DDAH1: variants seen among roughly 807,000 people sequenced by gnomAD.
DDAH1 encodes dimethylarginine dimethylaminohydrolase 1, also known as N(G),N(G)-dimethylarginine dimethylaminohydrolase 1.
A neutral mutation model predicts 28.8 loss-of-function variants in DDAH1; 19 were observed. That is an observed-to-expected ratio of 0.66 (90% CI 0.46 to 0.97). The LOEUF is 0.97. Ranked by LOEUF, DDAH1 falls within the 50% of genes least tolerant of loss-of-function variation. The pLI, the probability that DDAH1 is intolerant of heterozygous loss-of-function variation, is 0.00. For synonymous variants in DDAH1, 153 were observed against 154.4 expected (o/e 0.99, Z 0.07); for missense variants, 326 against 375.9 (o/e 0.87, Z 1.10).
chr1:85,341,128 T>C (rs1159599436), intron 4 of DDAH1, among the ~76,000 whole-genome samples: 1 of 152,226 alleles, frequency 6.6e-6, no homozygotes, highest in Admixed American at 6.5e-5. Flanking sequence ...TATCTTTTAA[T>C]GTTCTCTCTT....
intron 1 of DDAH1, among the ~76,000 whole-genome samples, chr1:85,393,034 T>C (rs1422554827): frequency 2.0e-5 from 3 of 152,182 alleles, no homozygotes; most frequent in African/African-American, 2.4e-5. Flanking sequence ...TTCCTAGTAT[T>C]TGGTCTCTCC....
chr1:85,321,175 T>G lies in DDAH1; in HGVS notation c.*277A>C. On this transcript the variant is annotated 3_prime_UTR_variant, in exon 6 of 6. Coordinates refer to ENST00000284031, the MANE Select transcript of DDAH1 (RefSeq NM_012137.4). The stretch of plus-strand genomic sequence containing the variant: ...ACCAAAAATACAGACACTAAATGAG[T>G]GTTTCCTTACTGGGATTAATCACAT... The G allele has an allele frequency of 3.3e-6, 1 of 307,016 alleles. No homozygotes were observed. Among genetic ancestry groups the G allele is most frequent in the Non-Finnish European group, 6.0e-6 (1 of 166,178 alleles). The allele number at this position is 307,016 out of a possible 1,614,324, so 19.0% of individuals were successfully genotyped here.
intron 1 of DDAH1, among the ~76,000 whole-genome samples, chr1:85,439,588 C>A (rs1216311697): frequency 6.6e-6 from 1 of 152,218 alleles, no homozygotes; most frequent in Non-Finnish European, 1.5e-5. Context: ...TTTTCTTAAA[C>A]TATCTGCTCT....
chr1:85,530,529 A>G (rs1295544961), intron 1 of DDAH1, among the ~76,000 whole-genome samples: 50 of 152,058 alleles, frequency 3.3e-4, no homozygotes, highest in Non-Finnish European at 4.4e-5. Context: ...GCAGGACATT[A>G]GCAGCCTTTT....
intron 1 of DDAH1, among the ~76,000 whole-genome samples, chr1:85,425,622 T>C (rs1217693326): frequency 6.6e-6 from 1 of 152,206 alleles, no homozygotes; most frequent in Non-Finnish European, 1.5e-5. Flanking sequence ...TAAATGTTTC[T>C]TTGCAAGAAC....
intron 1 of DDAH1, among the ~76,000 whole-genome samples, chr1:85,363,411 G>A (rs1649892453): frequency 6.6e-6 from 1 of 152,202 alleles, no homozygotes; most frequent in Non-Finnish European, 1.5e-5. Context: ...TGTTTTCAAT[G>A]CCTGCTTAAG....
At chr1:85,502,257 T>A (rs1656845318) in intron 1 of DDAH1, among the ~76,000 whole-genome samples, 1 of 152,256 alleles carries the variant, frequency 6.6e-6, no homozygotes. Context: ...TATTCACCTT[T>A]AATTCTGATA....
At chr1:85,377,196 C>G (rs776959778) in intron 1 of DDAH1, among the ~76,000 whole-genome samples, 1 of 152,246 alleles carries the variant, frequency 6.6e-6, no homozygotes, top group Non-Finnish European at 1.5e-5. Flanking sequence ...GAACCCAAGT[C>G]CCCTTGTTTA....
chr1:85,519,444 C>A (rs1176299278), intron 1 of DDAH1, among the ~76,000 whole-genome samples: 10 of 152,126 alleles, frequency 6.6e-5, no homozygotes, highest in Admixed American at 3.3e-4. Flanking sequence ...TAAATACAGA[C>A]TTGGAGTTTT....
intron 1 of DDAH1, among the ~76,000 whole-genome samples, chr1:85,426,765 A>T (rs1653411605): frequency 6.6e-6 from 1 of 151,970 alleles, no homozygotes; most frequent in Non-Finnish European, 1.5e-5. Context: ...TAAAAAACTT[A>T]GCTAGGCATG....
intron 1 of DDAH1, among the ~76,000 whole-genome samples, chr1:85,561,317 A>T (rs1420545755): frequency 1.3e-5 from 2 of 152,176 alleles, no homozygotes. Flanking sequence ...GTTAACTATA[A>T]TTTATAAAAA....
At chr1:85,499,397 G>A (rs907824862) in intron 1 of DDAH1, among the ~76,000 whole-genome samples, 8 of 152,128 alleles carry the variant, frequency 5.3e-5, no homozygotes, top group Non-Finnish European at 8.8e-5. Context: ...TCTTGAGGCC[G>A]GGTGCGGTGG....
intron 1 of DDAH1, among the ~76,000 whole-genome samples, chr1:85,365,926 T>C (rs1650051190): frequency 6.6e-6 from 1 of 152,130 alleles, no homozygotes; most frequent in South Asian, 2.1e-4. Context: ...CTGGGTGGGC[T>C]TGACCTAAGG....
rs148130300 is a variant in DDAH1 at position 85,510,109 on chromosome 1, G to C, written c.-122-13828C>G. Among the ~76,000 whole-genome samples, 438 of 152,250 alleles carry C rather than the reference G, an allele frequency of 2.9e-3. 2 individuals are homozygous for C. Among genetic ancestry groups the C allele is most frequent in the African/African-American group, 9.9e-3 (411 of 41,530 alleles). On this transcript the variant is annotated intron_variant, in intron 1 of 6. Coordinates refer to the DDAH1 transcript ENST00000426972. Reference sequence around the variant, plus strand: ...AAGGGCAGCCGAAGAGAAAGGTCAAGTTACCCACAAAGGGAAGCCCATCAG... The same window carrying C: ...AAGGGCAGCCGAAGAGAAAGGTCAACTTACCCACAAAGGGAAGCCCATCAG...
chr1:85,556,797 G>A (rs1393193632), intron 1 of DDAH1, among the ~76,000 whole-genome samples: 1 of 152,170 alleles, frequency 6.6e-6, no homozygotes, highest in Admixed American at 6.5e-5. Flanking sequence ...CCTTAGAAAA[G>A]TATTTCTATA....
intron 1 of DDAH1, among the ~76,000 whole-genome samples, chr1:85,511,807 T>C (rs1342391777): frequency 1.3e-5 from 2 of 152,196 alleles, no homozygotes; most frequent in Non-Finnish European, 2.9e-5. Flanking sequence ...AGGAAGAAGT[T>C]GAATCTCTGA....
intron 1 of DDAH1, among the ~76,000 whole-genome samples, chr1:85,434,189 AGTT>A (rs1431167326): frequency 5.9e-5 from 9 of 152,110 alleles, no homozygotes; most frequent in Admixed American, 4.6e-4. Flanking sequence ...ATTATATTTT[AGTT>A]ATTACATTTA....
intron 1 of DDAH1, among the ~76,000 whole-genome samples, chr1:85,496,561 C>A (rs1656602698): frequency 1.3e-5 from 2 of 152,080 alleles, no homozygotes; most frequent in Admixed American, 6.5e-5. Flanking sequence ...TCCTTGAAAG[C>A]AAGAGAGCAA....
chr1:85,528,589 T>C (rs1193066157), intron 1 of DDAH1, among the ~76,000 whole-genome samples: 4 of 151,926 alleles, frequency 2.6e-5, no homozygotes, highest in African/African-American at 9.7e-5. Flanking sequence ...AGACATGCAA[T>C]CCCTTCTTTG....
Sources: gnomAD v4.1 joint callset for allele counts (sites outside exome capture counted in the v4.1 genomes callset) on GRCh38, gnomAD v4.1.1 for gene constraint, MANE v1.5 for transcripts, NCBI Gene and HGNC (gene_info 2026-07-23, HGNC 2026-07-21) for gene names.